Variants in NBEAL2 observed in about 807,000 individuals in gnomAD.
NBEAL2 encodes the protein neurobeachin like 2, also known as neurobeachin-like protein 2.
NBEAL2 carries 160 observed loss-of-function variants against 299.8 expected under a neutral mutation model. That is an observed-to-expected ratio of 0.53 (90% confidence interval 0.47 to 0.61). The LOEUF (loss-of-function observed/expected upper bound fraction) is 0.61. NBEAL2 is among the 20% of genes least tolerant of loss of function. The probability of loss-of-function intolerance (pLI) is 0.00; values close to 1 mark genes in which losing one functional copy is unlikely to be tolerated. For synonymous variants in NBEAL2, 1,493 were observed against 1,542.3 expected (o/e 0.97, Z 0.75); for missense variants, 3,112 against 3,649.0 (o/e 0.85, Z 3.79).
chr3:46,992,208 C>T (rs1389746419), intron 9 of NBEAL2, among the ~76,000 whole-genome samples: 1 of 152,176 alleles, frequency 6.6e-6, no homozygotes, highest in African/African-American at 2.4e-5. Context: ...AAGGGAGCTG[C>T]TCTGGTGCCT....
chr3:46,985,417 C>T (rs1220412809), intron 1 of NBEAL2, among the ~76,000 whole-genome samples: 1 of 152,164 alleles, frequency 6.6e-6, no homozygotes, highest in Non-Finnish European at 1.5e-5. Context: ...AGGTGTACTC[C>T]CTGTACTCCC....
intron 21 of NBEAL2, 53 bp downstream of exon 21, chr3:46,998,279 G>A: frequency 6.3e-7 from 1 of 1,579,818 alleles, no homozygotes. Context: ...TGAGCACTGA[G>A]AAGTTAGAAC....
At chr3:46,980,155 C>G (rs1424947907) in intron 1 of NBEAL2, among the ~76,000 whole-genome samples, 1 of 152,206 alleles carries the variant, frequency 6.6e-6, no homozygotes, top group Non-Finnish European at 1.5e-5. Context: ...AACCCACCCC[C>G]GCGAGCAGGA....
chr3:47,008,934 G>T (rs914098421), intron 52 of NBEAL2, 55 bp from the exon 53 acceptor site: 2 of 1,594,838 alleles, frequency 1.3e-6, no homozygotes, highest in Non-Finnish European at 1.7e-6. Context: ...GATATCTGCT[G>T]GTCGCAAAGC....
At chr3:46,997,788 C>A (rs1575604585) in intron 20 of NBEAL2, 94 bp downstream of exon 20, 1 of 1,408,836 alleles carries the variant, frequency 7.1e-7, no homozygotes, top group Non-Finnish European at 9.3e-7. Context: ...TCATGAAGAA[C>A]CTCCTGGGAG....
At position 46,999,955 on chromosome 3, in the gene NBEAL2, G is replaced by A. The variant is rs1171364461; in HGVS notation, c.3856G>A (p.Asp1286Asn). 6.2e-7 allele frequency: 1 copy of A among 1,611,644 alleles called. No individual in the cohort carries two copies. Among genetic ancestry groups the A allele is most frequent in the African/African-American group, 1.3e-5 (1 of 74,910 alleles). ...RLLARQAGWQ[D>N]VLTRLYVLEA... ...TCTGGCCCGACAGGCTGGCTGGCAA[G>A]ATGTGCTGACCCGGCTATATGTCCT... The change falls in exon 27 of 54, where the codon GAT becomes AAT. Residue 1286 changes from aspartate (D) to asparagine (N), a missense_variant. Physicochemically the swap from Asp to Asn is conservative, Grantham distance 23 (BLOSUM62 1). Transcript: ENST00000450053.
chr3:47,006,205 G>C lies in NBEAL2; in HGVS notation c.6960G>C (p.Arg2320=). The C allele has an allele frequency of 1.9e-6, 3 of 1,613,952 alleles. No homozygotes were observed. Among genetic ancestry groups the C allele is most frequent in the Non-Finnish European group, 2.5e-6 (3 of 1,179,880 alleles). The part of the protein sequence containing the change: ...DLDHVTDERE[R]KALEGIISNF... ...ACCATGTGACAGATGAGCGGGAACG[G>C]AAGGCTCTGGAGGGCATTATCAGCA... The change falls in exon 44 of 54, where the codon CGG becomes CGC. Residue 2320 remains arginine (R), a synonymous_variant. Coordinates refer to ENST00000450053, the MANE Select transcript of NBEAL2 (RefSeq NM_015175.3).
rs1246156641 is a variant in NBEAL2 at position 47,002,118 on chromosome 3, T to C, written c.4981T>C (p.Cys1661Arg). ...AAAAAAAAER[C>R]SWLVPLVRTL... is the part of the protein sequence containing the mutation. Reference sequence around the variant, plus strand: ...AGCAGCTGCAGCAGCTGCAGAGCGCTGCTCCTGGCTGGTGCCACTGGTGCG... The same window carrying C: ...AGCAGCTGCAGCAGCTGCAGAGCGCCGCTCCTGGCTGGTGCCACTGGTGCG... The change falls in exon 31 of 54, where the codon TGC (cysteine) becomes CGC (arginine). Residue 1661 changes from cysteine to arginine, a missense_variant. Cys to Arg is a radical substitution (Grantham distance 180). Transcript: ENST00000450053. 6.4e-7 allele frequency: 1 copy of C among 1,550,602 alleles called. No homozygotes were observed. The highest frequency in any genetic ancestry group is 2.4e-5 in the East Asian group (1 of 40,862).
At position 47,009,252 on chromosome 3, in the gene NBEAL2, C is replaced by G; in HGVS notation, c.8197C>G (p.Arg2733Gly). The G allele has an allele frequency of 6.2e-7, 1 of 1,601,168 alleles. No homozygotes were observed. The highest frequency in any genetic ancestry group is 8.5e-7 in the Non-Finnish European group (1 of 1,175,194). The change falls in exon 54 of 54, where the codon CGG becomes GGG. Residue 2733 changes from arginine to glycine, a missense_variant. Physicochemically the swap from Arg to Gly is moderately radical, Grantham distance 125. Transcript: ENST00000450053. ...RSSQFARKLWRSSRRISQVSS... is the reference protein window; with the variant it reads ...RSSQFARKLWGSSRRISQVSS... ...CAGCCAGTTCGCGCGGAAGCTGTGG[C>G]GGTCCTCGCGGCGCATCTCCCAGGT... is the stretch of plus-strand genomic sequence containing the variant.
In NBEAL2 at chr3:46,998,854, T is replaced by C. The variant is rs765659085; in HGVS notation, c.3359T>C (p.Leu1120Ser). ...GTCACGCAGACCATGCTGAGCTTTT[T>C]GGCGGCCACAGGCGATGACGGTCAG... ...VQVTQTMLSF[L>S]AATGDDGQAV... is the part of the protein sequence containing the mutation. The change falls in exon 23 of 54, where the codon TTG becomes TCG. Residue 1120 changes from leucine to serine, a missense_variant. Physicochemically the swap from Leu to Ser is moderately radical, Grantham distance 145 (BLOSUM62 -2). Around this residue, in one of 3 missense-constraint regions of NBEAL2, gnomAD observed 2,243 missense variants for 2,538.1 expected, o/e 0.88. Coordinates refer to ENST00000450053, the MANE Select transcript of NBEAL2 (RefSeq NM_015175.3). The C allele has an allele frequency of 8.2e-6, 13 of 1,586,800 alleles. No individual in the cohort carries two copies. The highest frequency in any genetic ancestry group is 1.1e-5 in the Non-Finnish European group (13 of 1,166,928).
At position 46,991,156 on chromosome 3, in the gene NBEAL2, GC is replaced by G; in HGVS notation, c.557-58del. 7.0e-7 allele frequency: 1 copy of G among 1,437,272 alleles called. No individual in the cohort carries two copies. The highest frequency in any genetic ancestry group is 9.6e-7 in the Non-Finnish European group (1 of 1,041,106). The allele number at this position is 1,437,272 out of a possible 1,614,324, so 89.0% of individuals were successfully genotyped here. On this transcript the variant is annotated intron_variant, in intron 6 of 53. Transcript: ENST00000450053. This position sits in a 1 kb window ranked among gnomAD's most constrained non-coding sequence, Gnocchi z 6.2. ...CCCCAGGGCACTCACCTCTTGTGCA[GC>G]CCCCTGGGTCCATAGCCCTGCAACC...
At chr3:46,980,636 G>A (rs1184960458) in intron 1 of NBEAL2, among the ~76,000 whole-genome samples, 2 of 152,102 alleles carry the variant, frequency 1.3e-5, no homozygotes, top group East Asian at 1.9e-4. Flanking sequence ...AGGGAGGCCC[G>A]TTCCTCCTGA....
intron 22 of NBEAL2, 29 bp downstream of exon 22, chr3:46,998,594 G>C (rs1173822818): frequency 6.3e-7 from 1 of 1,595,220 alleles, no homozygotes; most frequent in Non-Finnish European, 8.5e-7. Flanking sequence ...GATGGGCCAT[G>C]GGGGGCTGAC....
Position 46,995,789 on chromosome 3 carries a change from A to G in NBEAL2, c.1974A>G (p.Thr658=). 1 of 1,613,792 alleles carries G rather than the reference A, an allele frequency of 6.2e-7. No individual in the cohort carries two copies. Among genetic ancestry groups the G allele is most frequent in the Non-Finnish European group, 8.5e-7 (1 of 1,179,866 alleles). The change falls in exon 14 of 54, where the codon ACA becomes ACG. Residue 658 remains threonine, a synonymous_variant. Transcript: ENST00000450053. ...AAGTLVVAVC[T]RKEYLTMSLP... ...GGACCCTGGTGGTGGCTGTGTGCACACGGAAGGAGTATTTGACCATGAGTT... is the reference window on the plus strand; with the variant it reads ...GGACCCTGGTGGTGGCTGTGTGCACGCGGAAGGAGTATTTGACCATGAGTT...
At chr3:46,984,288 C>T (rs1202590759) in intron 1 of NBEAL2, among the ~76,000 whole-genome samples, 10 of 151,898 alleles carry the variant, frequency 6.6e-5, no homozygotes, top group East Asian at 1.9e-4. Flanking sequence ...CCTGGGCCGG[C>T]GACAGAGCGA....
chr3:46,999,353 G>A lies in NBEAL2; in HGVS notation c.3582G>A (p.Glu1194=), dbSNP rs759356657. Residue 1194 remains glutamate (E), a synonymous_variant, in exon 25 of 54, where the codon GAG becomes GAA. Transcript: ENST00000450053. ...RRLQQNERLP[E]RSRQRLRLRE... is the part of the protein sequence containing the mutation. ...TGCAGCAGAATGAGCGGCTACCTGA[G>A]CGGAGCCGCCAGCGCCTCCGGCTGC... The A allele has an allele frequency of 6.2e-7, 1 of 1,610,774 alleles. No individual in the cohort carries two copies. The highest frequency in any genetic ancestry group is 8.5e-7 in the Non-Finnish European group (1 of 1,179,324).
rs770402329 is a variant in NBEAL2, at chr3:46,995,036, T to C, written c.1301T>C (p.Val434Ala). 2.6e-6 allele frequency: 4 copies of C among 1,543,118 alleles called. No homozygotes were observed. Among genetic ancestry groups the C allele is most frequent in the Admixed American group, 1.9e-5 (1 of 52,936 alleles). ...RLLQELLNMA[V>A]EGDHSMCPPP... Reference sequence around the variant, plus strand: ...TGTCATTCTCTCCACCCACAGGCTGTGGAGGGTGACCACAGCATGTGCCCA... The same window carrying C: ...TGTCATTCTCTCCACCCACAGGCTGCGGAGGGTGACCACAGCATGTGCCCA... Residue 434 changes from valine to alanine, a missense_variant, in exon 13 of 54, where the codon GTG becomes GCG. Coordinates refer to ENST00000450053, the MANE Select transcript of NBEAL2 (RefSeq NM_015175.3).
intron 1 of NBEAL2, among the ~76,000 whole-genome samples, chr3:46,985,789 G>A (rs958613334): frequency 6.6e-6 from 1 of 152,214 alleles, no homozygotes; most frequent in African/African-American, 2.4e-5. Flanking sequence ...TTAGGTTGGG[G>A]CAAGGGGCTG....
Position 47,009,331 on chromosome 3 carries a change from T to G in NBEAL2, c.*11T>G. The G allele has an allele frequency of 6.4e-7, 1 of 1,574,156 alleles. No homozygotes were observed. The highest frequency in any genetic ancestry group is 8.6e-7 in the Non-Finnish European group (1 of 1,160,022). ...ACTGAGGCGCGCTGAACCTGGCCAG[T>G]CCGGCTGCTCGGGCCCCGCCCCCGG... On this transcript the variant is annotated 3_prime_UTR_variant, in exon 54 of 54. Transcript: ENST00000450053.
Sources: gnomAD v4.1 joint callset for allele counts (sites outside exome capture counted in the v4.1 genomes callset) on GRCh38, gnomAD v4.1.1 for gene constraint, gnomAD v4.1.1 regional missense constraint, Gnocchi (gnomAD v3.1) non-coding constraint, MANE v1.5 for transcripts, NCBI Gene and HGNC (gene_info 2026-07-23, HGNC 2026-07-21) for gene names.